SPOP: variants seen among roughly 807,000 people sequenced by gnomAD.
SPOP encodes the protein speckle type BTB/POZ protein.
A neutral mutation model predicts 45.6 loss-of-function variants in SPOP; 11 were observed. That is an observed-to-expected ratio of 0.24 (90% CI 0.15 to 0.40). The LOEUF (loss-of-function observed/expected upper bound fraction) is 0.40. Ranked by LOEUF, SPOP falls within the 10% of genes least tolerant of loss-of-function variation. The probability of loss-of-function intolerance (pLI) is 1.00; values close to 1 mark genes in which losing one functional copy is unlikely to be tolerated. For missense variants in SPOP, 152 were observed against 465.6 expected (o/e 0.33, Z 6.20); for synonymous variants, 166 against 166.3 (o/e 1.00, Z 0.01).
intron 1 of SPOP, among the ~76,000 whole-genome samples, chr17:49,623,996 A>G (rs1027677179): frequency 1.3e-5 from 2 of 152,140 alleles, no homozygotes; most frequent in African/African-American, 4.8e-5. Context: ...CACCTCTCTC[A>G]TAAGCCTCAG....
At chr17:49,646,462 G>A (rs964442391) in intron 1 of SPOP, 2 of 151,854 alleles carry the variant, frequency 1.3e-5, no homozygotes, top group Admixed American at 6.6e-5. Flanking sequence ...TACTTGGGAG[G>A]TGGAGGCCAC....
intron 1 of SPOP, chr17:49,636,362 C>T (rs567541719): frequency 6.6e-6 from 1 of 152,300 alleles, no homozygotes; most frequent in South Asian, 2.1e-4. Context: ...CATATATTAT[C>T]AACCATTGAT....
chr17:49,623,336 GAGA>G (rs1411373719), intron 1 of SPOP, among the ~76,000 whole-genome samples: 2 of 152,136 alleles, frequency 1.3e-5, no homozygotes, highest in Non-Finnish European at 1.5e-5. Context: ...GTTAACATCA[GAGA>G]AGACTATCTA....
intron 5 of SPOP, among the ~76,000 whole-genome samples, chr17:49,616,856 C>T (rs1264170096): frequency 6.6e-6 from 1 of 152,242 alleles, no homozygotes; most frequent in East Asian, 1.9e-4. Context: ...TGTTCAACAT[C>T]TCCTCGTTTC....
At chr17:49,622,184 G>C (rs1455885759) in intron 2 of SPOP, 117 bp from the exon 3 acceptor site, 4 of 1,352,078 alleles carry the variant, frequency 3.0e-6, no homozygotes, top group East Asian at 5.1e-5. Context: ...TAGGAAGATA[G>C]CAGTTTTCAG....
chr17:49,600,929 T>G lies in SPOP; in HGVS notation c.981-407A>C, dbSNP rs1259850053. Reference sequence around the variant, plus strand: ...GGGCAGATCAGAGCCTGGGGCCTACTTGATTATCAAAAAAGAGGGGAGGAT... The same window carrying G: ...GGGCAGATCAGAGCCTGGGGCCTACGTGATTATCAAAAAAGAGGGGAGGAT... On this transcript the variant is annotated intron_variant, in intron 9 of 9. Coordinates refer to ENST00000504102, the MANE Select transcript of SPOP (RefSeq NM_001007228.2). The surrounding 1 kb of genome is among the most constrained non-coding windows in gnomAD (Gnocchi z 4.2). 1 of 172,268 alleles carries G rather than the reference T, an allele frequency of 5.8e-6. No individual in the cohort carries two copies. The highest frequency in any genetic ancestry group is 1.5e-4 in the East Asian group (1 of 6,788). 10.7% of individuals were successfully genotyped at this position (172,268 alleles called of 1,614,324 possible). A position where few individuals can be genotyped will look rare whatever the true frequency, so the allele number is the denominator to read the frequency against.
At chr17:49,673,366 C>A (rs1375239288) in intron 1 of SPOP, among the ~76,000 whole-genome samples, 1 of 151,714 alleles carries the variant, frequency 6.6e-6, no homozygotes, top group Non-Finnish European at 1.5e-5. Context: ...ATTAGCCGGG[C>A]GTGGTGGCGG....
intron 1 of SPOP, among the ~76,000 whole-genome samples, chr17:49,651,606 G>A (rs1326984799): frequency 1.3e-5 from 2 of 152,032 alleles, no homozygotes; most frequent in African/African-American, 2.4e-5. Context: ...CTTTATTTCC[G>A]GAATAAAAGG....
chr17:49,626,942 C>CG, intron 1 of SPOP, among the ~76,000 whole-genome samples: 1 of 152,164 alleles, frequency 6.6e-6, no homozygotes, highest in South Asian at 2.1e-4. Flanking sequence ...CTCCGCCTCC[C>CG]GGGTTCATGC....
intron 5 of SPOP, among the ~76,000 whole-genome samples, chr17:49,615,148 C>G (rs2072057961): frequency 6.6e-6 from 1 of 152,130 alleles, no homozygotes; most frequent in Admixed American, 6.6e-5. Context: ...TTATAGTGAG[C>G]TATGATTAAG....
intron 5 of SPOP, chr17:49,612,690 T>A (rs1370452127): frequency 2.6e-5 from 4 of 152,240 alleles, no homozygotes; most frequent in South Asian, 2.1e-4. Context: ...ACACTGCAGA[T>A]CAGTCATCTG....
At chr17:49,602,204 G>A (rs1311468107) in intron 8 of SPOP, 197 bp from the exon 9 acceptor site, 2 of 556,866 alleles carry the variant, frequency 3.6e-6, no homozygotes, top group Non-Finnish European at 5.8e-6. Flanking sequence ...AATGTAAACA[G>A]CTAAAGTAAC....
intron 1 of SPOP, among the ~76,000 whole-genome samples, chr17:49,627,550 TC>T (rs1439235200): frequency 2.0e-5 from 3 of 152,096 alleles, no homozygotes; most frequent in African/African-American, 7.2e-5. Context: ...TAGGCACAGC[TC>T]TACACTGAGT....
intron 1 of SPOP, among the ~76,000 whole-genome samples, chr17:49,633,457 G>A (rs1000584483): frequency 6.6e-6 from 1 of 152,100 alleles, no homozygotes; most frequent in African/African-American, 2.4e-5. Context: ...TGTCCCCAAG[G>A]AGACCTTAGC....
At chr17:49,676,141 C>T (rs1160032385) in intron 1 of SPOP, 1 of 152,160 alleles carries the variant, frequency 6.6e-6, no homozygotes, top group Non-Finnish European at 1.5e-5. Flanking sequence ...TAAGTATGGA[C>T]ATAGGAAACA....
chr17:49,619,321 A>G lies in SPOP; in HGVS notation c.265T>C (p.Leu89=), dbSNP rs1216697499. The change falls in exon 4 of 10, where the codon TTA becomes CTA. Residue 89 remains leucine, a synonymous_variant. Coordinates refer to ENST00000504102, the MANE Select transcript of SPOP (RefSeq NM_001007228.2). The surrounding 1 kb of genome is among the most constrained non-coding windows in gnomAD (Gnocchi z 4.9). Reference sequence around the variant, plus strand: ...TCACTCTTTGGACAGCTGACCAGTAACAGGTAAAGTGACAGGTAATCTTTG... The same window carrying G: ...TCACTCTTTGGACAGCTGACCAGTAGCAGGTAAAGTGACAGGTAATCTTTG... The part of the protein sequence containing the change: ...ESKDYLSLYL[L]LVSCPKSEVR... The G allele has an allele frequency of 6.2e-7, 1 of 1,614,064 alleles. No individual in the cohort carries two copies. Among genetic ancestry groups the G allele is most frequent in the African/African-American group, 1.3e-5 (1 of 74,904 alleles).
At chr17:49,630,646 C>T (rs993838442) in intron 1 of SPOP, among the ~76,000 whole-genome samples, 8 of 152,008 alleles carry the variant, frequency 5.3e-5, no homozygotes, top group South Asian at 2.1e-4. Flanking sequence ...TAGACAGAGT[C>T]TTGCTATGTT....
At chr17:49,629,877 A>G (rs1384956371) in intron 1 of SPOP, among the ~76,000 whole-genome samples, 2 of 152,246 alleles carry the variant, frequency 1.3e-5, no homozygotes, top group Non-Finnish European at 2.9e-5. Context: ...CAGTTTTAAG[A>G]TGACAGGAAC....
At chr17:49,641,556 T>G (rs2072650756) in intron 1 of SPOP, among the ~76,000 whole-genome samples, 3 of 147,928 alleles carry the variant, frequency 2.0e-5, no homozygotes, top group African/African-American at 5.0e-5. Context: ...AGACAGTAAC[T>G]CTATAGCACA....
Sources: gnomAD v4.1 joint callset for allele counts (sites outside exome capture counted in the v4.1 genomes callset) on GRCh38, gnomAD v4.1.1 for gene constraint, Gnocchi (gnomAD v3.1) non-coding constraint, MANE v1.5 for transcripts, NCBI Gene and HGNC (gene_info 2026-07-23, HGNC 2026-07-21) for gene names.